Variants in PTPRT observed in about 807,000 individuals in gnomAD.
PTPRT encodes receptor-type tyrosine-protein phosphatase T.
A neutral mutation model predicts 176.8 loss-of-function variants in PTPRT; 56 were observed. The observed-to-expected ratio is 0.32, with a 90% CI of 0.26 to 0.40. The LOEUF (loss-of-function observed/expected upper bound fraction) is 0.40. PTPRT is among the 10% of genes least tolerant of loss of function. PTPRT has a pLI of 1.00. For synonymous variants in PTPRT, 783 were observed against 739.0 expected (o/e 1.06, Z -0.96); for missense variants, 1,540 against 1,908.2 (o/e 0.81, Z 3.60).
chr20:43,175,233 C>T (rs2015097438), intron 1 of PTPRT, among the ~76,000 whole-genome samples: 1 of 152,218 alleles, frequency 6.6e-6, no homozygotes, highest in African/African-American at 2.4e-5. Flanking sequence ...AGAAGGTCCC[C>T]TCCACGGGCC....
At chr20:42,066,974 A>G in the PTPRT span, among the ~76,000 whole-genome samples, 1 of 151,956 alleles carries the variant, frequency 6.6e-6, no homozygotes, top group Non-Finnish European at 1.5e-5. Flanking sequence ...TTTTTTTGGC[A>G]GAGACCTGAT....
rs2015127900 is a variant in PTPRT at position 43,176,562 on chromosome 20, C to G, written c.88+13084G>C. Reference sequence around the variant, plus strand: ...ATATCACGGACAAAGGCAAAATGCCCTTTATCCACCATCCTAGTTCCATTT... The same window carrying G: ...ATATCACGGACAAAGGCAAAATGCCGTTTATCCACCATCCTAGTTCCATTT... On this transcript the variant is annotated intron_variant, in intron 1 of 30. Transcript: ENST00000373187. Among the ~76,000 whole-genome samples, 3 of 152,194 alleles carry G rather than the reference C, an allele frequency of 2.0e-5. No homozygotes were observed. The South Asian group carries it at 6.2e-4, about 32-fold the overall frequency.
chr20:42,361,209 C>A (rs1013892071), intron 9 of PTPRT, among the ~76,000 whole-genome samples: 1 of 152,160 alleles, frequency 6.6e-6, no homozygotes, highest in Non-Finnish European at 1.5e-5. Context: ...AGCCCAGAAG[C>A]TGGGTCCATG....
chr20:42,190,356 G>A (rs1356460474), intron 16 of PTPRT, among the ~76,000 whole-genome samples: 10 of 152,106 alleles, frequency 6.6e-5, no homozygotes, highest in African/African-American at 1.4e-4. Flanking sequence ...TCAAAGATAC[G>A]GTTGAGATTC....
chr20:42,087,283 T>G (rs1030563688), intron 27 of PTPRT, among the ~76,000 whole-genome samples: 2 of 152,050 alleles, frequency 1.3e-5, no homozygotes, highest in Non-Finnish European at 2.9e-5. Context: ...TAGGCGGGAG[T>G]GCAGTGGTGC....
At chr20:42,724,297 C>G (rs888417475) in intron 6 of PTPRT, among the ~76,000 whole-genome samples, 1 of 152,124 alleles carries the variant, frequency 6.6e-6, no homozygotes, top group Non-Finnish European at 1.5e-5. Flanking sequence ...CTGTTTGCTC[C>G]CCTAATTCAG....
chr20:43,054,568 G>GA (rs539616628), intron 1 of PTPRT, among the ~76,000 whole-genome samples: 6,819 of 119,560 alleles, frequency 0.057, 296 homozygotes, highest in African/African-American at 0.12. Flanking sequence ...AAAAGAAGGG[G>GA]AAAAAAAAAA....
chr20:42,417,386 A>G (rs1303094775), intron 9 of PTPRT, among the ~76,000 whole-genome samples: 1 of 152,038 alleles, frequency 6.6e-6, no homozygotes, highest in African/African-American at 2.4e-5. Flanking sequence ...GTTGTTCTTC[A>G]TGGAGATTCC....
chr20:42,617,833 T>C (rs1468639982), intron 7 of PTPRT, among the ~76,000 whole-genome samples: 1 of 139,134 alleles, frequency 7.2e-6, no homozygotes, highest in Non-Finnish European at 1.5e-5. Flanking sequence ...TCTCTCTTTT[T>C]TTCTTTATTA....
chr20:42,130,045 G>C (rs530374990), intron 18 of PTPRT, among the ~76,000 whole-genome samples: 4 of 152,202 alleles, frequency 2.6e-5, no homozygotes, highest in Non-Finnish European at 5.9e-5. Context: ...CAGAAAGCCT[G>C]ACTGGCCACA....
intron 1 of PTPRT, among the ~76,000 whole-genome samples, chr20:43,159,525 C>T (rs538406474): frequency 1.6e-4 from 25 of 152,312 alleles, no homozygotes; most frequent in African/African-American, 5.8e-4. Flanking sequence ...AAGCACCTGG[C>T]GTGATGCCTG....
In PTPRT at chr20:42,414,451, T is replaced by C. The variant is rs2059046548; in HGVS notation, c.1560+33769A>G. Among the ~76,000 whole-genome samples, 5 of 152,172 alleles carry C rather than the reference T, an allele frequency of 3.3e-5. No individual in the cohort carries two copies. In the South Asian group the frequency reaches 1.0e-3, roughly 32 times the overall value. On this transcript the variant is annotated intron_variant, in intron 9 of 30. Transcript: ENST00000373187. ...ACTGAAATAAAAGGTATGCCTGTTT[T>C]TAAAAAGGAGGTAAAAACAGTTATT...
chr20:43,078,230 G>C (rs1486268505), intron 1 of PTPRT, among the ~76,000 whole-genome samples: 1 of 152,156 alleles, frequency 6.6e-6, no homozygotes, highest in Non-Finnish European at 1.5e-5. Flanking sequence ...AGTTAGATTT[G>C]TCATTATAAA....
chr20:42,658,876 T>C (rs896053189), intron 7 of PTPRT, among the ~76,000 whole-genome samples: 5 of 152,172 alleles, frequency 3.3e-5, no homozygotes, highest in Non-Finnish European at 7.3e-5. Context: ...AAAATATTCA[T>C]TATACATTGT....
At chr20:42,396,118 C>T (rs188438397) in intron 9 of PTPRT, among the ~76,000 whole-genome samples, 1 of 152,274 alleles carries the variant, frequency 6.6e-6, no homozygotes, top group East Asian at 1.9e-4. Flanking sequence ...GATGCCAAAC[C>T]TAAATCCCAA....
intron 1 of PTPRT, among the ~76,000 whole-genome samples, chr20:43,018,013 G>A (rs752486191): frequency 2.0e-5 from 3 of 152,146 alleles, no homozygotes; most frequent in African/African-American, 4.8e-5. Context: ...TGGATGTGTC[G>A]GGGATATCAT....
At chr20:43,004,125 T>C (rs1376382134) in intron 1 of PTPRT, among the ~76,000 whole-genome samples, 3 of 150,368 alleles carry the variant, frequency 2.0e-5, no homozygotes, top group Non-Finnish European at 4.4e-5. Context: ...TAAAAACTTT[T>C]AAAAATCTGT....
At chr20:42,243,051 G>A (rs1408289277) in intron 14 of PTPRT, among the ~76,000 whole-genome samples, 8 of 143,160 alleles carry the variant, frequency 5.6e-5, no homozygotes, top group African/African-American at 2.0e-4. Flanking sequence ...GAAAGGAAGG[G>A]AGGGAGGGAG....
intron 1 of PTPRT, among the ~76,000 whole-genome samples, chr20:43,164,530 G>A (rs1472917371): frequency 6.6e-6 from 1 of 152,192 alleles, no homozygotes; most frequent in East Asian, 1.9e-4. Context: ...CAAGTAGAGG[G>A]AACAACTAGA....
Sources: gnomAD v4.1 joint callset for allele counts (sites outside exome capture counted in the v4.1 genomes callset) on GRCh38, gnomAD v4.1.1 for gene constraint, MANE v1.5 for transcripts, NCBI Gene and HGNC (gene_info 2026-07-23, HGNC 2026-07-21) for gene names.